Variants in TMTC2 observed in about 807,000 individuals in gnomAD.
The protein encoded by TMTC2 is protein O-mannosyl-transferase TMTC2.
Under a neutral mutation model 82.4 loss-of-function variants are expected in TMTC2, and 43 were observed. The observed-to-expected ratio is 0.52, with a 90% CI of 0.41 to 0.67. The LOEUF (loss-of-function observed/expected upper bound fraction) is 0.67. Among genes scored for constraint, TMTC2 ranks in the 30% least tolerant of loss-of-function variants. The pLI is 0.00. For missense variants in TMTC2, 919 were observed against 1,012.4 expected (o/e 0.91, Z 1.25); for synonymous variants, 408 against 381.9 (o/e 1.07, Z -0.80).
intron 4 of TMTC2, among the ~76,000 whole-genome samples, chr12:82,938,950 G>A (rs769300851): frequency 1.3e-5 from 2 of 151,994 alleles, no homozygotes; most frequent in Non-Finnish European, 2.9e-5. Flanking sequence ...TTTTTCCCCT[G>A]CATATATGAA....
rs957220450 is a variant in TMTC2, at chr12:83,120,079, A to G, written c.2332-12131A>G. On this transcript the variant is annotated intron_variant, in intron 11 of 11. Coordinates refer to ENST00000321196, the MANE Select transcript of TMTC2 (RefSeq NM_152588.3). Reference sequence around the variant, plus strand: ...CAGATAGTTGGCTGGTGAATTCTTAAACATTCTGCAATTCTGTATCTTTTA... The same window carrying G: ...CAGATAGTTGGCTGGTGAATTCTTAGACATTCTGCAATTCTGTATCTTTTA... Among the ~76,000 whole-genome samples, 11 of 152,270 alleles carry G rather than the reference A, an allele frequency of 7.2e-5. No homozygotes were observed. The East Asian group carries it at 1.7e-3, about 24-fold the overall frequency.
rs3993380 is a variant in TMTC2, at chr12:82,696,964, G to GTATATATATATATATA, written c.83+9299_83+9314dup. Among the ~76,000 whole-genome samples the GTATATATATATATATA allele has an allele frequency of 3.5e-4, 50 of 141,550 alleles. 1 individual carries two copies. The East Asian group carries it at 5.3e-3, about 15-fold the overall frequency. The allele number at this position is 141,550 out of a possible 152,430, so 92.9% of individuals were successfully genotyped here. A position where few individuals can be genotyped will look rare whatever the true frequency, so the allele number is the denominator to read the frequency against. On this transcript the variant is annotated intron_variant, in intron 1 of 11. Transcript: ENST00000321196. ...GCTCTCTTTCTACATACATACATAC[G>GTATATATATATATATA]TATATATATATATATATATGTTTCT... is the stretch of plus-strand genomic sequence containing the variant.
At chr12:82,979,729 G>A (rs576720091) in intron 7 of TMTC2, among the ~76,000 whole-genome samples, 2 of 151,718 alleles carry the variant, frequency 1.3e-5, no homozygotes, top group African/African-American at 4.8e-5. Flanking sequence ...GCTTATAAAG[G>A]TCATTTTCTT....
chr12:82,700,766 A>T (rs1455622631), intron 1 of TMTC2, among the ~76,000 whole-genome samples: 3 of 152,206 alleles, frequency 2.0e-5, no homozygotes, highest in Non-Finnish European at 4.4e-5. Flanking sequence ...AGTATCTAGG[A>T]GTATGTATTA....
intron 1 of TMTC2, among the ~76,000 whole-genome samples, chr12:82,826,681 A>AT (rs1158133114): frequency 5.3e-5 from 8 of 152,106 alleles, no homozygotes; most frequent in Non-Finnish European, 8.8e-5. Flanking sequence ...GGCTGGACTG[A>AT]TTTTTTTCCC....
intron 11 of TMTC2, among the ~76,000 whole-genome samples, chr12:83,102,758 T>G (rs1884261860): frequency 6.6e-6 from 1 of 152,204 alleles, no homozygotes; most frequent in East Asian, 1.9e-4. Flanking sequence ...TTTGAAAACA[T>G]TTTGAGAGTA....
At chr12:83,106,532 C>T (rs1424085669) in intron 11 of TMTC2, among the ~76,000 whole-genome samples, 1 of 147,798 alleles carries the variant, frequency 6.8e-6, no homozygotes, top group African/African-American at 2.5e-5. Context: ...GCACAGTACA[C>T]ACACATAAAA....
intron 1 of TMTC2, among the ~76,000 whole-genome samples, chr12:82,690,875 C>G (rs1872541823): frequency 6.6e-6 from 1 of 152,176 alleles, no homozygotes; most frequent in African/African-American, 2.4e-5. Context: ...TAAAACTTCT[C>G]TGACCCAAAA....
At chr12:82,732,494 C>T (rs1874874213) in intron 1 of TMTC2, among the ~76,000 whole-genome samples, 1 of 152,150 alleles carries the variant, frequency 6.6e-6, no homozygotes, top group African/African-American at 2.4e-5. Context: ...AGGCACCCGC[C>T]ACCACGCTTG....
At chr12:82,857,675 A>G (rs760751176) in intron 2 of TMTC2, 95 bp downstream of exon 2, 5 of 1,194,012 alleles carry the variant, frequency 4.2e-6, no homozygotes, top group Non-Finnish European at 5.8e-6. Context: ...TTCCTCTGCA[A>G]GCGGAATTTA....
intron 7 of TMTC2, among the ~76,000 whole-genome samples, chr12:82,973,728 C>G (rs1878547304): frequency 6.6e-6 from 1 of 152,132 alleles, no homozygotes; most frequent in Non-Finnish European, 1.5e-5. Flanking sequence ...TTTAAAGTTT[C>G]AATTAAACCC....
chr12:83,047,873 T>C (rs1882200927), intron 9 of TMTC2, among the ~76,000 whole-genome samples: 1 of 152,346 alleles, frequency 6.6e-6, no homozygotes, highest in African/African-American at 2.4e-5. Flanking sequence ...TCCTTTTTTG[T>C]TGTTGAACAG....
At chr12:82,774,042 T>C (rs1388285096) in intron 1 of TMTC2, among the ~76,000 whole-genome samples, 1 of 152,122 alleles carries the variant, frequency 6.6e-6, no homozygotes, top group Non-Finnish European at 1.5e-5. Context: ...TCCCAAGATA[T>C]TTTAACTTTT....
chr12:82,865,337 C>CA (rs1015823887), intron 2 of TMTC2, among the ~76,000 whole-genome samples: 2 of 151,942 alleles, frequency 1.3e-5, no homozygotes, highest in African/African-American at 4.8e-5. Context: ...AAATGGAAAA[C>CA]AAAAAATGAC....
intron 10 of TMTC2, among the ~76,000 whole-genome samples, chr12:83,051,383 C>T (rs188764866): frequency 4.6e-5 from 7 of 151,806 alleles, no homozygotes; most frequent in African/African-American, 1.7e-4. Context: ...CCAATGTGGC[C>T]CAGGGAAGCC....
At chr12:82,690,232 C>T (rs893884481) in intron 1 of TMTC2, 14 of 305,590 alleles carry the variant, frequency 4.6e-5, no homozygotes, top group African/African-American at 6.8e-5. Context: ...TGTTTATTTC[C>T]GCTACTACAT....
At chr12:82,893,131 G>T (rs898546278) in intron 2 of TMTC2, among the ~76,000 whole-genome samples, 1 of 151,988 alleles carries the variant, frequency 6.6e-6, no homozygotes, top group African/African-American at 2.4e-5. Context: ...CAGCACTTTG[G>T]GAGGCTGAGG....
At chr12:83,000,242 C>A (rs995120796) in intron 8 of TMTC2, among the ~76,000 whole-genome samples, 1 of 152,138 alleles carries the variant, frequency 6.6e-6, no homozygotes, top group African/African-American at 2.4e-5. Context: ...TCAAGCAATT[C>A]TCCTGCCTCA....
intron 8 of TMTC2, among the ~76,000 whole-genome samples, chr12:83,019,109 A>G (rs1419907786): frequency 6.6e-6 from 1 of 152,170 alleles, no homozygotes; most frequent in Non-Finnish European, 1.5e-5. Context: ...CAAGTTATCT[A>G]AGACAAATAG....
Sources: gnomAD v4.1 joint callset for allele counts (sites outside exome capture counted in the v4.1 genomes callset) on GRCh38, gnomAD v4.1.1 for gene constraint, MANE v1.5 for transcripts, NCBI Gene and HGNC (gene_info 2026-07-23, HGNC 2026-07-21) for gene names.